The following ARHGAP32 variants were observed in gnomAD, a reference collection of about 807,000 sequenced individuals.
ARHGAP32 encodes the protein rho GTPase-activating protein 32.
ARHGAP32 carries 51 observed loss-of-function variants against 186.5 expected under a neutral mutation model. The ratio of observed to expected loss-of-function variants is 0.27; its 90% CI spans 0.22 to 0.35. ARHGAP32 has a LOEUF of 0.35. ARHGAP32 is among the 10% of genes least tolerant of loss of function. ARHGAP32 has a pLI of 1.00. For synonymous variants in ARHGAP32, 950 were observed against 964.3 expected (o/e 0.99, Z 0.27); for missense variants, 2,186 against 2,623.5 (o/e 0.83, Z 3.64).
At position 128,974,874 on chromosome 11, in the gene ARHGAP32, C is replaced by T. The variant is rs1467223229; in HGVS notation, c.2323G>A (p.Glu775Lys). 2 of 1,614,084 alleles carry T rather than the reference C, an allele frequency of 1.2e-6. No individual in the cohort carries two copies. Among genetic ancestry groups the T allele is most frequent in the Non-Finnish European group, 1.7e-6 (2 of 1,180,042 alleles). The stretch of plus-strand genomic sequence containing the variant: ...ATATGAAGCAGCCCTCCTTCCTCCT[C>T]ACTCTCATTGTCATGAGGCAGATTA... ...YDNLPHDNES[E>K]EEGGLLHIPA... Residue 775 changes from glutamate (E) to lysine (K), a missense_variant, in exon 21 of 23, where the codon GAG becomes AAG. Physicochemically the swap from Glu to Lys is moderately conservative, Grantham distance 56. This residue lies in a region of ARHGAP32 where 263 missense variants were observed against 323.5 expected (regional missense o/e 0.81). Coordinates refer to ENST00000682385, the MANE Select transcript of ARHGAP32 (RefSeq NM_001378024.1).
chr11:129,269,101 T>A (rs573282208), intron 1 of ARHGAP32, among the ~76,000 whole-genome samples: 1 of 151,908 alleles, frequency 6.6e-6, no homozygotes, highest in Admixed American at 6.6e-5. Context: ...TGAAACCCCA[T>A]CTCTATTTAA....
intron 10 of ARHGAP32, among the ~76,000 whole-genome samples, chr11:129,049,608 T>A (rs948755674): frequency 6.6e-6 from 1 of 152,232 alleles, no homozygotes; most frequent in African/African-American, 2.4e-5. Context: ...CCATTTTCTA[T>A]AATTTTACAT....
At chr11:129,065,861 C>T (rs895331442) in intron 7 of ARHGAP32, among the ~76,000 whole-genome samples, 4 of 152,098 alleles carry the variant, frequency 2.6e-5, no homozygotes, top group South Asian at 2.1e-4. Context: ...TTTAACTTTC[C>T]GTCCCTTCCA....
chr11:129,160,202 T>A (rs901540356), intron 2 of ARHGAP32, among the ~76,000 whole-genome samples: 9 of 152,142 alleles, frequency 5.9e-5, no homozygotes, highest in Non-Finnish European at 8.8e-5. Flanking sequence ...AAGACAAGGA[T>A]GCCCTCTCTC....
chr11:129,056,811 G>A (rs1198776566), intron 10 of ARHGAP32, among the ~76,000 whole-genome samples: 1 of 152,160 alleles, frequency 6.6e-6, no homozygotes, highest in African/African-American at 2.4e-5. Flanking sequence ...AAGTGTTGCA[G>A]CAGCGCTCAA....
chr11:129,169,548 G>A (rs184015040), intron 1 of ARHGAP32, among the ~76,000 whole-genome samples: 13 of 150,622 alleles, frequency 8.6e-5, no homozygotes, highest in African/African-American at 2.4e-4. Flanking sequence ...GGAGAATGGC[G>A]TGAACCCGGG....
chr11:129,064,544 A>G (rs1440465784), intron 8 of ARHGAP32, among the ~76,000 whole-genome samples: 1 of 152,160 alleles, frequency 6.6e-6, no homozygotes. Flanking sequence ...TCAATTACTA[A>G]GTCAACTAAA....
chr11:129,116,888 A>G (rs1156393508), intron 5 of ARHGAP32, among the ~76,000 whole-genome samples: 1 of 151,996 alleles, frequency 6.6e-6, no homozygotes, highest in Non-Finnish European at 1.5e-5. Context: ...AAGCCCTTTA[A>G]AATGTACTGC....
At chr11:128,985,612 C>A (rs957070400) in intron 15 of ARHGAP32, among the ~76,000 whole-genome samples, 2 of 151,772 alleles carry the variant, frequency 1.3e-5, no homozygotes, top group Admixed American at 6.6e-5. Context: ...AATGTAGCAA[C>A]AACAATAAAA....
intron 1 of ARHGAP32, among the ~76,000 whole-genome samples, chr11:129,212,529 T>C (rs1482636114): frequency 6.6e-6 from 1 of 152,210 alleles, no homozygotes; most frequent in Non-Finnish European, 1.5e-5. Context: ...CGTACCAATA[T>C]CACTATACTA....
upstream of ARHGAP32, among the ~76,000 whole-genome samples, chr11:129,194,948 T>TGGGG (rs60585805): frequency 1.7e-5 from 2 of 118,788 alleles, no homozygotes; most frequent in African/African-American, 3.1e-5. Context: ...TGTTTTTTTG[T>TGGGG]GGGGGGGGGG....
chr11:129,169,658 T>C (rs1943717013), intron 1 of ARHGAP32, among the ~76,000 whole-genome samples: 1 of 145,412 alleles, frequency 6.9e-6, no homozygotes, highest in Admixed American at 6.8e-5. Context: ...AAAAAAAAGA[T>C]TGTGAGGCCA....
chr11:129,256,541 T>C (rs1945256643), intron 1 of ARHGAP32, among the ~76,000 whole-genome samples: 1 of 152,158 alleles, frequency 6.6e-6, no homozygotes, highest in Non-Finnish European at 1.5e-5. Flanking sequence ...CAGGCTATTT[T>C]TGAAAGGCAA....
rs578114114 is a variant in ARHGAP32, at chr11:128,976,699, G to A, written c.2123-65C>T. The A allele has an allele frequency of 5.6e-5, 78 of 1,384,726 alleles. No homozygotes were observed. In the African/African-American group the frequency reaches 6.7e-4, roughly 12 times the overall value. The allele number at this position is 1,384,726 out of a possible 1,614,324, so 85.8% of individuals were successfully genotyped here. A position where few individuals can be genotyped will look rare whatever the true frequency, so the allele number is the denominator to read the frequency against. On this transcript the variant is annotated intron_variant, in intron 19 of 22. Transcript: ENST00000682385. Reference sequence around the variant, plus strand: ...TGTTACATATGTGGTTAATGGGATCGGTGTTTTTCTTGATACATTTAAACT... The same window carrying A: ...TGTTACATATGTGGTTAATGGGATCAGTGTTTTTCTTGATACATTTAAACT...
chr11:129,279,622 G>T (rs1363769230), upstream of ARHGAP32, among the ~76,000 whole-genome samples: 1 of 146,018 alleles, frequency 6.8e-6, no homozygotes. Flanking sequence ...CGCCCGCAGC[G>T]GGGAGAAGAG....
intron 7 of ARHGAP32, 95 bp from the exon 8 acceptor site, chr11:129,065,028 T>A (rs1024604841): frequency 2.0e-6 from 2 of 984,032 alleles, no homozygotes; most frequent in South Asian, 1.5e-5. Context: ...AATCTATAGA[T>A]CTTTAGGCAT....
At chr11:129,027,792 GTTTA>G (rs1459154251) in intron 11 of ARHGAP32, among the ~76,000 whole-genome samples, 2 of 152,008 alleles carry the variant, frequency 1.3e-5, no homozygotes, top group African/African-American at 2.4e-5. Context: ...ATACTATATT[GTTTA>G]TTTATTTATT....
chr11:129,111,832 G>C (rs954607135), intron 5 of ARHGAP32, among the ~76,000 whole-genome samples: 2 of 152,014 alleles, frequency 1.3e-5, no homozygotes, highest in African/African-American at 4.8e-5. Context: ...TGTGATCTCA[G>C]CTCACCACCA....
chr11:129,240,415 C>T (rs983501783), intron 1 of ARHGAP32, among the ~76,000 whole-genome samples: 2 of 152,096 alleles, frequency 1.3e-5, no homozygotes, highest in African/African-American at 4.8e-5. Context: ...CTGGAATGAC[C>T]CTTCCCTAAT....
Sources: gnomAD v4.1 joint callset for allele counts (sites outside exome capture counted in the v4.1 genomes callset) on GRCh38, gnomAD v4.1.1 for gene constraint, gnomAD v4.1.1 regional missense constraint, MANE v1.5 for transcripts, NCBI Gene and HGNC (gene_info 2026-07-23, HGNC 2026-07-21) for gene names.